Variants in ZNF611 observed in about 807,000 individuals in gnomAD.
The protein encoded by ZNF611 is zinc finger protein 611.
A neutral mutation model predicts 8.9 loss-of-function variants in ZNF611; 6 were observed. The ratio of observed to expected loss-of-function variants is 0.68; its 90% CI spans 0.37 to 1.34. The LOEUF (loss-of-function observed/expected upper bound fraction) is 1.34, where lower values mean the gene tolerates loss of function less well. ZNF611 is among the 40% of genes most tolerant of loss of function. ZNF611 has a pLI of 0.02. For synonymous variants in ZNF611, 262 were observed against 279.7 expected (o/e 0.94, Z 0.63); for missense variants, 874 against 841.3 (o/e 1.04, Z -0.48).
At chr19:52,711,595 G>C (rs1055191918) in intron 5 of ZNF611, among the ~76,000 whole-genome samples, 1 of 151,844 alleles carries the variant, frequency 6.6e-6, no homozygotes, top group Non-Finnish European at 1.5e-5. Flanking sequence ...ACATCAAGGG[G>C]GATACAAGGA....
At chr19:52,711,041 A>G (rs2062276208) in intron 5 of ZNF611, among the ~76,000 whole-genome samples, 1 of 151,906 alleles carries the variant, frequency 6.6e-6, no homozygotes, top group Non-Finnish European at 1.5e-5. Context: ...TTAAAAAAAA[A>G]AAAAAAAAGG....
chr19:52,710,835 T>C (rs1347572335), intron 5 of ZNF611, among the ~76,000 whole-genome samples: 1 of 152,052 alleles, frequency 6.6e-6, no homozygotes, highest in Non-Finnish European at 1.5e-5. Context: ...AAAAAGCAGG[T>C]GGATGAATCA....
chr19:52,730,775 G>C (rs2062421210), intron 1 of ZNF611, among the ~76,000 whole-genome samples: 1 of 151,448 alleles, frequency 6.6e-6, no homozygotes, highest in African/African-American at 2.4e-5. Context: ...GTAGAGACGG[G>C]GTTTCTCTAT....
At chr19:52,715,361 T>G (rs1178095155) in intron 4 of ZNF611, among the ~76,000 whole-genome samples, 1 of 151,806 alleles carries the variant, frequency 6.6e-6, no homozygotes, top group Non-Finnish European at 1.5e-5. Context: ...AGGCTGAGGC[T>G]GGAGAATTGC....
At chr19:52,711,690 T>A (rs2927750) in intron 5 of ZNF611, among the ~76,000 whole-genome samples, 2 of 151,752 alleles carry the variant, frequency 1.3e-5, no homozygotes, top group African/African-American at 4.9e-5. Context: ...AGTCATGATG[T>A]CCTGCACACA....
Position 52,730,160 on chromosome 19 carries a change from G to A in ZNF611, c.-221-155C>T, listed in dbSNP as rs1161096759. Among the ~76,000 whole-genome samples, 9 of 152,126 alleles carry A rather than the reference G, an allele frequency of 5.9e-5. No homozygotes were observed. The East Asian group carries it at 7.8e-4, about 13-fold the overall frequency. Reference sequence around the variant, plus strand: ...TGTAATCCCAGCACTTTGGGATTCCGAGGCGGGCGGATGACGAGGTCAGGA... The same window carrying A: ...TGTAATCCCAGCACTTTGGGATTCCAAGGCGGGCGGATGACGAGGTCAGGA... On this transcript the variant is annotated intron_variant, in intron 1 of 5. Transcript: ENST00000652185.
chr19:52,705,983 G>C lies in ZNF611; in HGVS notation c.1072C>G (p.Leu358Val). 1.9e-6 allele frequency: 3 copies of C among 1,614,084 alleles called. No homozygotes were observed. Among genetic ancestry groups the C allele is most frequent in the Non-Finnish European group, 2.5e-6 (3 of 1,180,016 alleles). The change falls in exon 6 of 6, where the codon CTT becomes GTT. Residue 358 changes from leucine (L) to valine (V), a missense_variant. Leu to Val is a conservative substitution (Grantham distance 32). Transcript: ENST00000652185. ...CDKAFNQQSQ[L>V]SHHRIHTGEK... ...CCAGTATGAATTCTATGATGTGAAA[G>C]TTGTGATTGTTGATTAAAAGCCTTG... is the stretch of plus-strand genomic sequence containing the variant.
At position 52,705,020 on chromosome 19, in the gene ZNF611, T is replaced by G. The variant is rs1445838673; in HGVS notation, c.2035A>C (p.Lys679Gln). The change falls in exon 6 of 6, where the codon AAG (lysine) becomes CAG (glutamine). Residue 679 changes from lysine (K) to glutamine (Q), a missense_variant. Transcript: ENST00000652185. The stretch of plus-strand genomic sequence containing the variant: ...AAAGCCTTCCCACATTCATTACACT[T>G]GTAAGGTTTCTCTGCAGTGTGAATT... Reference protein sequence around the residue: ...TRIHTAEKPYKCNECGKAFNQ... With the variant: ...TRIHTAEKPYQCNECGKAFNQ... The G allele has an allele frequency of 3.7e-6, 6 of 1,614,226 alleles. No homozygotes were observed. In the South Asian group the frequency reaches 6.6e-5, roughly 18 times the overall value.
At chr19:52,729,601 G>T (rs1971063) in intron 2 of ZNF611, among the ~76,000 whole-genome samples, 1 of 150,976 alleles carries the variant, frequency 6.6e-6, no homozygotes. Flanking sequence ...ACACAGAACA[G>T]GCACTTATTG....
chr19:52,717,386 G>C (rs2062324576), intron 3 of ZNF611, among the ~76,000 whole-genome samples: 1 of 152,212 alleles, frequency 6.6e-6, no homozygotes, highest in African/African-American at 2.4e-5. Flanking sequence ...GTCACTTGCA[G>C]CTGAGGGGAA....
chr19:52,706,525 C>G lies in ZNF611; in HGVS notation c.530G>C (p.Gly177Ala), dbSNP rs539472475. 175 of 1,614,010 alleles carry G rather than the reference C, an allele frequency of 1.1e-4. No individual in the cohort carries two copies. The East Asian group carries it at 1.2e-3, about 11-fold the overall frequency. The change falls in exon 6 of 6, where the codon GGT becomes GCT. Residue 177 changes from glycine (G) to alanine (A), a missense_variant. By Grantham distance (60) the Gly-to-Ala change is moderately conservative (BLOSUM62 0). Transcript: ENST00000652185. ...LHIFQIKGEI[G>A]NQLEKSTNDA... is the part of the protein sequence containing the mutation. ...ATTAGTAGACTTCTCAAGTTGATTA[C>G]CAATTTCACCTTTGATCTGAAATAT...
At chr19:52,711,840 C>G (rs1429169179) in intron 5 of ZNF611, among the ~76,000 whole-genome samples, 1 of 152,002 alleles carries the variant, frequency 6.6e-6, no homozygotes, top group Non-Finnish European at 1.5e-5. Context: ...CTGGTATTTG[C>G]ATCCAGATCA....
At chr19:52,728,381 T>C (rs2062405251) in intron 3 of ZNF611, among the ~76,000 whole-genome samples, 1 of 151,938 alleles carries the variant, frequency 6.6e-6, no homozygotes, top group African/African-American at 2.4e-5. Context: ...TCTACAAAAC[T>C]ATAAAAATCA....
rs754302461 is a variant in ZNF611 at position 52,705,073 on chromosome 19, C to T, written c.1982G>A (p.Arg661His). 11 of 1,613,936 alleles carry T rather than the reference C, an allele frequency of 6.8e-6. No homozygotes were observed. The African/African-American group carries it at 8.0e-5, about 12-fold the overall frequency. The change falls in exon 6 of 6, where the codon CGT becomes CAT. Residue 661 changes from arginine to histidine, a missense_variant. Coordinates refer to ENST00000652185, the MANE Select transcript of ZNF611 (RefSeq NM_001161499.2). ...GGTATGTCTTGACAGGAGTGAATTA[C>T]GCACGAAAGCCTTGTCACAAATTGT... ...KCTICDKAFV[R>H]NSLLSRHTRI...
At position 52,714,103 on chromosome 19, in the gene ZNF611, T is replaced by C. The variant is rs374539461; in HGVS notation, c.102A>G (p.Ser34=). 1.9e-6 allele frequency: 3 copies of C among 1,613,796 alleles called. No homozygotes were observed. The highest frequency in any genetic ancestry group is 2.7e-5 in the African/African-American group (2 of 74,998). Residue 34 remains serine, a synonymous_variant, in exon 5 of 6, where the codon TCA becomes TCG. Transcript: ENST00000652185. ...GGTTCAGGCATTTCCACTCTGCCAA[T>C]GAGAATTCTATAGCCACATCCCGGA... is the stretch of plus-strand genomic sequence containing the variant. The part of the protein sequence containing the change: ...LTFRDVAIEF[S]LAEWKCLNPS...
intron 3 of ZNF611, among the ~76,000 whole-genome samples, chr19:52,721,736 G>A (rs907989302): frequency 2.1e-4 from 32 of 152,000 alleles, no homozygotes; most frequent in Non-Finnish European, 3.4e-4. Context: ...AGAGGGAAAG[G>A]GAGAGGGAGA....
intron 5 of ZNF611, among the ~76,000 whole-genome samples, chr19:52,711,711 C>T (rs373004296): frequency 1.8e-4 from 28 of 152,264 alleles, no homozygotes; most frequent in Middle Eastern, 3.4e-3. Flanking sequence ...CTGATTTAAG[C>T]GGCCTCCTAT....
chr19:52,730,290 G>A (rs1470136938), intron 1 of ZNF611, among the ~76,000 whole-genome samples: 3 of 150,390 alleles, frequency 2.0e-5, no homozygotes, highest in East Asian at 2.0e-4. Flanking sequence ...TACTCGGGAG[G>A]CTGAGGCAGG....
At position 52,705,158 on chromosome 19, in the gene ZNF611, G is replaced by T. The variant is rs748165380; in HGVS notation, c.1897C>A (p.His633Asn). The T allele has an allele frequency of 1.8e-5, 29 of 1,613,822 alleles. No individual in the cohort carries two copies. The highest frequency in any genetic ancestry group is 2.4e-5 in the Non-Finnish European group (28 of 1,179,982). ...CGATGGTATATAAGGGATGAGCAGT[G>T]ACGGAAGGTATTGCCACACTCATTA... ...KCNECGNTFRHCSSLIYHRRL... is the reference protein window; with the variant it reads ...KCNECGNTFRNCSSLIYHRRL... The change falls in exon 6 of 6, where the codon CAC (histidine) becomes AAC (asparagine). Residue 633 changes from histidine to asparagine, a missense_variant. Physicochemically the swap from His to Asn is moderately conservative, Grantham distance 68. Coordinates refer to ENST00000652185, the MANE Select transcript of ZNF611 (RefSeq NM_001161499.2).
Sources: gnomAD v4.1 joint callset for allele counts (sites outside exome capture counted in the v4.1 genomes callset) on GRCh38, gnomAD v4.1.1 for gene constraint, MANE v1.5 for transcripts, NCBI Gene and HGNC (gene_info 2026-07-23, HGNC 2026-07-21) for gene names.